Variants in LRRC4C observed in about 807,000 individuals in gnomAD.
LRRC4C encodes leucine-rich repeat-containing protein 4C.
A neutral mutation model predicts 33.6 loss-of-function variants in LRRC4C; 5 were observed. That is an observed-to-expected ratio of 0.15 (90% CI 0.08 to 0.31). LRRC4C has a LOEUF of 0.31. Among genes scored for constraint, LRRC4C ranks in the 10% least tolerant of loss-of-function variants. The pLI, the probability that LRRC4C is intolerant of heterozygous loss-of-function variation, is 1.00. For missense variants in LRRC4C, 560 were observed against 796.7 expected (o/e 0.70, Z 3.58); for synonymous variants, 329 against 302.0 (o/e 1.09, Z -0.93).
intron 5 of LRRC4C, among the ~76,000 whole-genome samples, chr11:40,166,104 C>T (rs916586283): frequency 6.6e-6 from 1 of 152,144 alleles, no homozygotes; most frequent in African/African-American, 2.4e-5. Context: ...GTATCTATAA[C>T]CAGTACAAAT....
intron 1 of LRRC4C, among the ~76,000 whole-genome samples, chr11:41,336,205 A>G (rs1287373739): frequency 6.6e-6 from 1 of 152,092 alleles, no homozygotes. Context: ...TAAAAGATTT[A>G]CCCTAAAAGA....
At chr11:40,787,811 C>T (rs1010717234) in intron 2 of LRRC4C, among the ~76,000 whole-genome samples, 1 of 152,094 alleles carries the variant, frequency 6.6e-6, no homozygotes, top group Non-Finnish European at 1.5e-5. Context: ...TTCCAAATGA[C>T]TATATTTAGA....
intron 4 of LRRC4C, among the ~76,000 whole-genome samples, chr11:40,299,081 T>G (rs551081513): frequency 6.6e-6 from 1 of 152,310 alleles, no homozygotes; most frequent in East Asian, 1.9e-4. Flanking sequence ...ATCATTGCAA[T>G]CAACTACAAC....
chr11:40,591,121 A>G (rs1000242673), intron 3 of LRRC4C, among the ~76,000 whole-genome samples: 6 of 152,088 alleles, frequency 3.9e-5, no homozygotes, highest in Non-Finnish European at 5.9e-5. Flanking sequence ...TGTGCTAGCA[A>G]TCAGTGAGAC....
chr11:41,063,375 A>G (rs1188140483), intron 1 of LRRC4C, among the ~76,000 whole-genome samples: 5 of 152,344 alleles, frequency 3.3e-5, no homozygotes, highest in Admixed American at 2.0e-4. Context: ...ACACATAATC[A>G]TTATATCAAT....
intron 1 of LRRC4C, among the ~76,000 whole-genome samples, chr11:41,034,138 G>A (rs2137861841): frequency 6.6e-6 from 1 of 152,036 alleles, no homozygotes; most frequent in Admixed American, 6.6e-5. Flanking sequence ...GGAATAAGGA[G>A]GGCTCTGCCC....
intron 1 of LRRC4C, among the ~76,000 whole-genome samples, chr11:41,285,718 A>G (rs1261938515): frequency 6.6e-6 from 1 of 152,166 alleles, no homozygotes; most frequent in Non-Finnish European, 1.5e-5. Flanking sequence ...GGTTTCATAC[A>G]TATTTAAAGT....
rs151230365 is a variant in LRRC4C, at chr11:41,054,102, T to C, written c.-495-120379A>G. 2.5e-3 allele frequency among the ~76,000 whole-genome samples: 385 copies of C among 152,310 alleles called. 3 individuals carry two copies. Among genetic ancestry groups the C allele is most frequent in the African/African-American group, 8.7e-3 (362 of 41,574 alleles). On this transcript the variant is annotated intron_variant, in intron 1 of 6. Transcript: ENST00000528697. ...GAGTTGCTAATCCAGTTTTGAATCA[T>C]AGGTCTAAATCAAACTGTGTCTTAT... is the stretch of plus-strand genomic sequence containing the variant.
At chr11:40,724,057 G>GC (rs1365880466) in intron 2 of LRRC4C, among the ~76,000 whole-genome samples, 1 of 151,614 alleles carries the variant, frequency 6.6e-6, no homozygotes. Context: ...CAACAAGAAA[G>GC]CTTAATTATC....
intron 2 of LRRC4C, among the ~76,000 whole-genome samples, chr11:40,852,361 CT>C (rs1953552518): frequency 6.6e-6 from 1 of 152,030 alleles, no homozygotes; most frequent in African/African-American, 2.4e-5. Context: ...CATTTAATAC[CT>C]TTCTGAGCCA....
intron 1 of LRRC4C, among the ~76,000 whole-genome samples, chr11:40,936,329 A>G (rs1957895206): frequency 6.7e-6 from 1 of 148,188 alleles, no homozygotes; most frequent in African/African-American, 2.5e-5. Context: ...AATAGTATCT[A>G]ACACTTGTTT....
chr11:40,867,481 T>C (rs1168859029), intron 2 of LRRC4C, among the ~76,000 whole-genome samples: 1 of 152,228 alleles, frequency 6.6e-6, no homozygotes, highest in African/African-American at 2.4e-5. Flanking sequence ...GTATCACTAT[T>C]ATTGCCCTGT....
intron 2 of LRRC4C, among the ~76,000 whole-genome samples, chr11:40,717,800 C>T (rs1369865577): frequency 6.6e-6 from 1 of 152,120 alleles, no homozygotes; most frequent in Non-Finnish European, 1.5e-5. Context: ...TATCTAAATC[C>T]ATCAGCTAAT....
chr11:40,492,587 G>A (rs1030648708), intron 3 of LRRC4C, among the ~76,000 whole-genome samples: 1 of 152,000 alleles, frequency 6.6e-6, no homozygotes, highest in Non-Finnish European at 1.5e-5. Flanking sequence ...TGTTGAATAG[G>A]CTGGTTTCAA....
Position 41,052,423 on chromosome 11 carries a change from C to T in LRRC4C, c.-495-118700G>A, listed in dbSNP as rs1263275779. ...GGCAACTTGATGGCCAAAGACCTTA[C>T]AGCCAAATCCAGTGCCCTAGTTTCT... On this transcript the variant is annotated intron_variant, in intron 1 of 6. Transcript: ENST00000528697. 5.3e-5 allele frequency among the ~76,000 whole-genome samples: 8 copies of T among 151,892 alleles called. No individual in the cohort carries two copies. In the East Asian group the frequency reaches 1.5e-3, roughly 29 times the overall value.
At chr11:40,412,690 C>T (rs936638688) in intron 3 of LRRC4C, among the ~76,000 whole-genome samples, 1 of 151,964 alleles carries the variant, frequency 6.6e-6, no homozygotes, top group South Asian at 2.1e-4. Context: ...CACAGTTCTG[C>T]GATTGTAGTT....
At chr11:40,960,470 C>G (rs573633810) in intron 1 of LRRC4C, among the ~76,000 whole-genome samples, 17 of 151,838 alleles carry the variant, frequency 1.1e-4, no homozygotes, top group African/African-American at 3.4e-4. Context: ...CTGTTTAACT[C>G]TATTCAAACA....
At chr11:41,249,285 C>T (rs1439077010) in intron 1 of LRRC4C, among the ~76,000 whole-genome samples, 2 of 152,082 alleles carry the variant, frequency 1.3e-5, no homozygotes, top group Non-Finnish European at 2.9e-5. Context: ...CTGCCCTCCT[C>T]GGCCTCCCAA....
intron 1 of LRRC4C, among the ~76,000 whole-genome samples, chr11:41,309,619 T>G (rs910380123): frequency 6.6e-6 from 1 of 152,226 alleles, no homozygotes; most frequent in Non-Finnish European, 1.5e-5. Context: ...ACAGGGTTTC[T>G]GTGGCAACTT....
Sources: gnomAD v4.1 joint callset for allele counts (sites outside exome capture counted in the v4.1 genomes callset) on GRCh38, gnomAD v4.1.1 for gene constraint, MANE v1.5 for transcripts, NCBI Gene and HGNC (gene_info 2026-07-23, HGNC 2026-07-21) for gene names.